Variants in GRM7 observed in about 807,000 individuals in gnomAD.
The protein encoded by GRM7 is glutamate metabotropic receptor 7.
GRM7 carries 35 observed loss-of-function variants against 84.5 expected under a neutral mutation model. That is an observed-to-expected ratio of 0.41 (90% CI 0.32 to 0.55). The LOEUF is 0.55. Among genes scored for constraint, GRM7 ranks in the 20% least tolerant of loss-of-function variants. GRM7 has a pLI of 0.19. For missense variants in GRM7, 1,003 were observed against 1,194.6 expected (o/e 0.84, Z 2.36); for synonymous variants, 487 against 455.1 (o/e 1.07, Z -0.89).
chr3:7,410,961 CT>C (rs528402923), intron 4 of GRM7, among the ~76,000 whole-genome samples: 6 of 152,172 alleles, frequency 3.9e-5, no homozygotes, highest in Non-Finnish European at 8.8e-5. Context: ...GCTGGTGCCA[CT>C]GCCCTCTGAA....
chr3:7,113,434 G>T (rs2125036813), intron 1 of GRM7, among the ~76,000 whole-genome samples: 1 of 152,112 alleles, frequency 6.6e-6, no homozygotes, highest in South Asian at 2.1e-4. Context: ...ATTTTATCTA[G>T]AAATAATATT....
intron 2 of GRM7, among the ~76,000 whole-genome samples, chr3:7,224,233 G>A (rs1028855687): frequency 6.6e-6 from 1 of 151,440 alleles, no homozygotes; most frequent in African/African-American, 2.5e-5. Flanking sequence ...ATGGCGGAAG[G>A]GAAGGGGGAG....
chr3:6,954,882 A>T (rs1292096035), intron 1 of GRM7, among the ~76,000 whole-genome samples: 2 of 152,178 alleles, frequency 1.3e-5, no homozygotes, highest in Non-Finnish European at 2.9e-5. Flanking sequence ...TAGAATATTG[A>T]GATTGGAGGG....
chr3:7,178,790 A>C (rs1695240235), intron 2 of GRM7, among the ~76,000 whole-genome samples: 2 of 152,110 alleles, frequency 1.3e-5, no homozygotes, highest in Admixed American at 6.6e-5. Context: ...TATGAAAAAA[A>C]AAATGTTAGG....
intron 2 of GRM7, among the ~76,000 whole-genome samples, chr3:7,274,450 T>G (rs1304811020): frequency 6.6e-6 from 1 of 152,106 alleles, no homozygotes; most frequent in African/African-American, 2.4e-5. Context: ...CTACTGGAAA[T>G]AAATTCCCTT....
rs1013845652 is a variant in GRM7, at chr3:7,181,546, C to G, written c.736+34878C>G. On this transcript the variant is annotated intron_variant, in intron 2 of 9. Transcript: ENST00000357716. ...GTGACATTTATTAAAGAAGAAGTAT[C>G]CTTTCCTCCAGCTTTCAAAATAATA... is the stretch of plus-strand genomic sequence containing the variant. 5.3e-5 allele frequency among the ~76,000 whole-genome samples: 8 copies of G among 152,136 alleles called. No homozygotes were observed. In the East Asian group the frequency reaches 1.5e-3, roughly 29 times the overall value.
intron 2 of GRM7, among the ~76,000 whole-genome samples, chr3:7,164,636 T>C (rs1694742810): frequency 6.6e-6 from 1 of 152,210 alleles, no homozygotes; most frequent in Admixed American, 6.5e-5. Flanking sequence ...GCCATAAAAA[T>C]CAGACAATAT....
intron 5 of GRM7, among the ~76,000 whole-genome samples, chr3:7,431,997 T>G (rs1696850096): frequency 6.6e-6 from 1 of 152,178 alleles, no homozygotes. Context: ...GACTTGACTT[T>G]GAGCAGTGTG....
At chr3:7,729,843 T>C (rs1166849787) in intron 9 of GRM7, among the ~76,000 whole-genome samples, 8 of 150,832 alleles carry the variant, frequency 5.3e-5, no homozygotes, top group Non-Finnish European at 1.0e-4. Context: ...GTAGCTGGGA[T>C]TACAGGTGCA....
At chr3:7,136,067 G>C (rs1385606641) in intron 1 of GRM7, among the ~76,000 whole-genome samples, 1 of 152,010 alleles carries the variant, frequency 6.6e-6, no homozygotes, top group African/African-American at 2.4e-5. Context: ...AATTAAACTT[G>C]ACTCAATCTT....
chr3:7,159,562 A>C (rs567452711), intron 2 of GRM7, among the ~76,000 whole-genome samples: 2 of 152,254 alleles, frequency 1.3e-5, no homozygotes, highest in Admixed American at 6.5e-5. Context: ...CCCCTCTTTC[A>C]TTCTTCATTC....
chr3:7,093,676 C>CA (rs1209938099), intron 1 of GRM7, among the ~76,000 whole-genome samples: 914 of 13,944 alleles, frequency 0.066, 314 homozygotes, highest in Admixed American at 0.088. Flanking sequence ...GACTCTGTCT[C>CA]AAAAAAAAAA....
At position 7,106,550 on chromosome 3, in the gene GRM7, G is replaced by A. The variant is rs547800177; in HGVS notation, c.520-39902G>A. Among the ~76,000 whole-genome samples the A allele has an allele frequency of 2.8e-4, 42 of 152,012 alleles. 3 individuals are homozygous for A. In the South Asian group the frequency reaches 7.3e-3, roughly 26 times the overall value. ...GATGCCTATGCACTTCCAAGAATGGGGCAGCAATCAACAAATGAATAATGG... is the reference window on the plus strand; with the variant it reads ...GATGCCTATGCACTTCCAAGAATGGAGCAGCAATCAACAAATGAATAATGG... On this transcript the variant is annotated intron_variant, in intron 1 of 9. Transcript: ENST00000357716.
At chr3:7,041,594 C>G (rs1279017405) in intron 1 of GRM7, among the ~76,000 whole-genome samples, 1 of 152,116 alleles carries the variant, frequency 6.6e-6, no homozygotes, top group African/African-American at 2.4e-5. Flanking sequence ...ATATTTATGT[C>G]CAGGTCTTCT....
intron 7 of GRM7, among the ~76,000 whole-genome samples, chr3:7,531,535 G>A (rs1237683944): frequency 6.6e-6 from 1 of 152,128 alleles, no homozygotes; most frequent in Admixed American, 6.5e-5. Flanking sequence ...CACATCCCTT[G>A]TAAGTTGTAT....
At chr3:7,515,038 C>T (rs972778651) in intron 7 of GRM7, among the ~76,000 whole-genome samples, 1 of 151,890 alleles carries the variant, frequency 6.6e-6, no homozygotes, top group Non-Finnish European at 1.5e-5. Context: ...GCCATTCAGC[C>T]TTTGTGTCCT....
chr3:7,541,954 G>T (rs2125016077), intron 7 of GRM7, among the ~76,000 whole-genome samples: 2 of 152,222 alleles, frequency 1.3e-5, no homozygotes. Context: ...CTTTTGGGGT[G>T]GCTGAAAATC....
chr3:6,955,203 A>G (rs1162318996), intron 1 of GRM7, among the ~76,000 whole-genome samples: 1 of 152,054 alleles, frequency 6.6e-6, no homozygotes, highest in African/African-American at 2.4e-5. Context: ...ATTGTAAACA[A>G]TTATAAAGAA....
intron 1 of GRM7, among the ~76,000 whole-genome samples, chr3:6,872,880 T>A (rs1265002262): frequency 6.6e-6 from 1 of 152,202 alleles, no homozygotes; most frequent in Non-Finnish European, 1.5e-5. Flanking sequence ...GCATTTGGGT[T>A]GTTCCAAGTC....
Sources: gnomAD v4.1 joint callset for allele counts (sites outside exome capture counted in the v4.1 genomes callset) on GRCh38, gnomAD v4.1.1 for gene constraint, MANE v1.5 for transcripts, NCBI Gene and HGNC (gene_info 2026-07-23, HGNC 2026-07-21) for gene names.